TUB: variants seen among roughly 807,000 people sequenced by gnomAD.
TUB encodes tubby protein homolog.
A neutral mutation model predicts 59.7 loss-of-function variants in TUB; 33 were observed. The observed-to-expected ratio is 0.55, with a 90% CI of 0.42 to 0.74. The LOEUF is 0.74. TUB is among the 30% of genes least tolerant of loss of function. The pLI, the probability that TUB is intolerant of heterozygous loss-of-function variation, is 0.00. For missense variants in TUB, 659 were observed against 672.0 expected (o/e 0.98, Z 0.21); for synonymous variants, 293 against 256.4 (o/e 1.14, Z -1.36).
intron 2 of TUB, among the ~76,000 whole-genome samples, chr11:8,040,753 ACT>A (rs1489166460): frequency 1.3e-5 from 2 of 152,076 alleles, no homozygotes; most frequent in African/African-American, 2.4e-5. Flanking sequence ...CAGAGGGATG[ACT>A]CTGCTGTGAT....
At chr11:8,046,005 A>G (rs1374989942) in intron 2 of TUB, among the ~76,000 whole-genome samples, 2 of 152,144 alleles carry the variant, frequency 1.3e-5, no homozygotes, top group Admixed American at 1.3e-4. Flanking sequence ...TCTCACAAGC[A>G]TGTGCAGATC....
intron 2 of TUB, among the ~76,000 whole-genome samples, chr11:8,074,990 C>T (rs1308044953): frequency 1.3e-5 from 2 of 151,966 alleles, no homozygotes; most frequent in African/African-American, 2.4e-5. Flanking sequence ...TGTGATCCAC[C>T]CACCTCAGCC....
intron 9 of TUB, among the ~76,000 whole-genome samples, chr11:8,099,921 T>C (rs1434441077): frequency 3.3e-5 from 5 of 152,142 alleles, no homozygotes; most frequent in Non-Finnish European, 7.3e-5. Context: ...AGGAAGGTCA[T>C]GGGGCCACGT....
intron 2 of TUB, among the ~76,000 whole-genome samples, chr11:8,070,365 CT>C (rs1257630866): frequency 2.0e-5 from 3 of 152,146 alleles, no homozygotes; most frequent in Admixed American, 1.3e-4. Context: ...TATTTTAAAA[CT>C]TTTCATATGT....
intron 9 of TUB, 68 bp from the exon 10 acceptor site, chr11:8,100,435 G>GT: frequency 8.0e-7 from 1 of 1,252,834 alleles, no homozygotes; most frequent in Non-Finnish European, 1.2e-6. Context: ...CTTTATTCCC[G>GT]TCCCCCCCAC....
At position 8,104,801 on chromosome 11, in the gene TUB, A is replaced by T. The variant is rs1244674798; in HGVS notation, c.*3182A>T. ...AGACACTAGTTCAGAGGAAGCACAT[A>T]ATGTCCAGATCTATGGCGAACACAG... On this transcript the variant is annotated 3_prime_UTR_variant, in exon 12 of 12. Coordinates refer to ENST00000299506, the MANE Select transcript of TUB (RefSeq NM_177972.3). The T allele has an allele frequency of 6.6e-6, 1 of 152,184 alleles. No homozygotes were observed. Among genetic ancestry groups the T allele is most frequent in the Admixed American group, 6.5e-5 (1 of 15,278 alleles). 9.4% of individuals were successfully genotyped at this position (152,184 alleles called of 1,614,324 possible).
chr11:8,103,070 G>A lies in TUB; in HGVS notation c.*1451G>A, dbSNP rs990208617. 1.3e-5 allele frequency: 2 copies of A among 152,226 alleles called. No individual in the cohort carries two copies. The highest frequency in any genetic ancestry group is 6.5e-5 in the Admixed American group (1 of 15,274). The allele number at this position is 152,226 out of a possible 1,614,324, so 9.4% of individuals were successfully genotyped here. On this transcript the variant is annotated 3_prime_UTR_variant, in exon 12 of 12. Transcript: ENST00000299506. ...TGCACGTGAGTATGATCCAGGATTG[G>A]CCTGTGTCTGGCCCCTCCGCGAGGG...
chr11:8,022,789 C>G (rs996056716), intron 1 of TUB, among the ~76,000 whole-genome samples: 3 of 152,134 alleles, frequency 2.0e-5, no homozygotes, highest in Admixed American at 2.0e-4. Flanking sequence ...ACTCGGGAGG[C>G]TGAGGCAGGA....
intron 2 of TUB, among the ~76,000 whole-genome samples, chr11:8,046,247 T>A (rs1020253564): frequency 6.6e-6 from 1 of 152,244 alleles, no homozygotes; most frequent in African/African-American, 2.4e-5. Context: ...TTGTCCAATG[T>A]CTGAACTGTC....
At chr11:8,099,822 G>A (rs546044117) in intron 9 of TUB, among the ~76,000 whole-genome samples, 16 of 152,316 alleles carry the variant, frequency 1.1e-4, no homozygotes, top group African/African-American at 2.9e-4. Context: ...AGCAGTGTAC[G>A]TGTCTAGGGG....
chr11:8,066,754 TGAC>T (rs1943251394), intron 2 of TUB, among the ~76,000 whole-genome samples: 1 of 152,162 alleles, frequency 6.6e-6, no homozygotes, highest in South Asian at 2.1e-4. Context: ...TGCGGGTGTT[TGAC>T]GACTTCAGCA....
At chr11:8,037,893 A>G (rs1942674612), upstream of TUB, among the ~76,000 whole-genome samples, 1 of 152,200 alleles carries the variant, frequency 6.6e-6, no homozygotes, top group South Asian at 2.1e-4. Flanking sequence ...GGAGCAAGTT[A>G]GGTGTAGATG....
At chr11:8,098,588 C>T (rs1315252656) in intron 8 of TUB, among the ~76,000 whole-genome samples, 170 bp from the exon 9 acceptor site, 1 of 152,186 alleles carries the variant, frequency 6.6e-6, no homozygotes, top group East Asian at 1.9e-4. Flanking sequence ...AGGCCTTCTG[C>T]CCACGAAGTG....
At chr11:8,019,442 A>G (rs938440869) in intron 1 of TUB, 8 of 1,212,098 alleles carry the variant, frequency 6.6e-6, no homozygotes, top group African/African-American at 6.3e-5. Flanking sequence ...GGGGGCTAGG[A>G]CTGGCGCGAG....
chr11:8,079,371 G>A (rs1273281274), upstream of TUB, among the ~76,000 whole-genome samples: 5 of 152,064 alleles, frequency 3.3e-5, no homozygotes, highest in African/African-American at 4.8e-5. Flanking sequence ...GCTCTGCTGC[G>A]GTCTCCAGGG....
intron 2 of TUB, among the ~76,000 whole-genome samples, chr11:8,043,288 A>G (rs373135338): frequency 6.6e-6 from 1 of 152,146 alleles, no homozygotes; most frequent in African/African-American, 2.4e-5. Flanking sequence ...TTTGACCTAT[A>G]TGTCTATCTT....
chr11:8,073,992 T>G (rs974962186), intron 2 of TUB, among the ~76,000 whole-genome samples: 1 of 152,242 alleles, frequency 6.6e-6, no homozygotes, highest in Non-Finnish European at 1.5e-5. Context: ...TTGCAGGTGT[T>G]TCTTGCAGCC....
chr11:8,047,146 C>T (rs1307351629), intron 2 of TUB, among the ~76,000 whole-genome samples: 2 of 152,182 alleles, frequency 1.3e-5, no homozygotes, highest in African/African-American at 2.4e-5. Context: ...CCTCTCCCCA[C>T]TGCCAGCTGC....
chr11:8,038,889 C>T (rs779348347), exon 1 of TUB: 2 of 1,614,056 alleles, frequency 1.2e-6, no homozygotes, highest in East Asian at 2.2e-5. Context: ...GGCCAGGACA[C>T]CTTTGCCTTC....
Sources: allele counts gnomAD v4.1 joint callset (sites outside exome capture counted in the v4.1 genomes callset), GRCh38; gene constraint gnomAD v4.1.1; transcripts MANE v1.5; gene names NCBI Gene and HGNC (gene_info 2026-07-23, HGNC 2026-07-21).